Variants in QTMAN observed in about 807,000 individuals in gnomAD.
QTMAN encodes queuosine-tRNA mannosyltransferase.
At chr2:144,225,893 C>A in the QTMAN span, among the ~76,000 whole-genome samples, 1 of 152,278 alleles carries the variant, frequency 6.6e-6, no homozygotes, top group South Asian at 2.1e-4. Flanking sequence ...GATCTCAATT[C>A]CTTGGCAGCA....
At chr2:144,158,627 G>A in the QTMAN span, among the ~76,000 whole-genome samples, 1 of 151,880 alleles carries the variant, frequency 6.6e-6, no homozygotes, top group Non-Finnish European at 1.5e-5. Context: ...AAAAAATTGA[G>A]CCAATGAAAA....
At chr2:144,285,894 T>C in the QTMAN span, among the ~76,000 whole-genome samples, 1 of 152,214 alleles carries the variant, frequency 6.6e-6, no homozygotes, top group East Asian at 1.9e-4. Flanking sequence ...GCCCTTCTAG[T>C]AGCTTGTTAC....
the QTMAN span, among the ~76,000 whole-genome samples, chr2:144,291,881 C>T: frequency 6.6e-6 from 1 of 152,298 alleles, no homozygotes; most frequent in Middle Eastern, 3.4e-3. Flanking sequence ...TACAGTATTA[C>T]TTTCTAATCC....
At chr2:143,938,887 G>C in the QTMAN span, 1 of 152,204 alleles carries the variant, frequency 6.6e-6, no homozygotes, top group Non-Finnish European at 1.5e-5. Flanking sequence ...TTGTGGACTA[G>C]TTGCCAGCCA....
At chr2:144,063,499 G>A in the QTMAN span, among the ~76,000 whole-genome samples, 658 of 152,178 alleles carry the variant, frequency 4.3e-3, 6 homozygotes, top group African/African-American at 0.015. Flanking sequence ...GATTAATAAA[G>A]TTCTTTGGAA....
the QTMAN span, chr2:144,011,912 T>A: frequency 5.9e-6 from 1 of 169,952 alleles, no homozygotes; most frequent in Non-Finnish European, 1.2e-5. Flanking sequence ...GTTTCCCATT[T>A]AATAATTTCC....
the QTMAN span, among the ~76,000 whole-genome samples, chr2:144,249,706 T>G: frequency 2.7e-3 from 407 of 152,340 alleles, 1 homozygote; most frequent in African/African-American, 9.4e-3. Flanking sequence ...CATCAGTTGG[T>G]TTTACATATT....
At chr2:144,050,940 G>A in the QTMAN span, among the ~76,000 whole-genome samples, 54 of 152,040 alleles carry the variant, frequency 3.6e-4, no homozygotes, top group African/African-American at 1.3e-3. Flanking sequence ...CATGAATGCA[G>A]AACACACAAA....
the QTMAN span, among the ~76,000 whole-genome samples, chr2:144,169,045 A>G: frequency 6.6e-6 from 1 of 152,136 alleles, no homozygotes; most frequent in Non-Finnish European, 1.5e-5. Flanking sequence ...AAGAAATGCT[A>G]TAAAAAATAT....
the QTMAN span, among the ~76,000 whole-genome samples, chr2:144,246,579 CA>C: frequency 2.0e-3 from 94 of 47,064 alleles, no homozygotes; most frequent in East Asian, 8.2e-3. Flanking sequence ...GACTCCGTCT[CA>C]AAAAAAAAAA....
the QTMAN span, among the ~76,000 whole-genome samples, chr2:144,328,605 T>C: frequency 1.3e-5 from 2 of 152,150 alleles, no homozygotes; most frequent in South Asian, 2.1e-4. Flanking sequence ...GGTCTTAAAA[T>C]ATCTTCGGTC....
chr2:144,042,799 A>G, the QTMAN span, among the ~76,000 whole-genome samples: 9 of 152,054 alleles, frequency 5.9e-5, no homozygotes, highest in East Asian at 1.5e-3. Context: ...ACAAATAAAT[A>G]AACAATGAAG....
chr2:143,943,416 C>T, the QTMAN span: 1 of 152,076 alleles, frequency 6.6e-6, no homozygotes, highest in South Asian at 2.1e-4. Context: ...GGTCAATAGT[C>T]AATAGAAGAA....
the QTMAN span, chr2:143,938,232 A>C: frequency 2.0e-5 from 3 of 152,144 alleles, no homozygotes; most frequent in Admixed American, 2.0e-4. Flanking sequence ...AAAAGGAGAG[A>C]TGTCTGCTTT....
chr2:144,015,177 A>C, the QTMAN span, among the ~76,000 whole-genome samples: 1 of 152,116 alleles, frequency 6.6e-6, no homozygotes, highest in African/African-American at 2.4e-5. Context: ...TGTTTATCAA[A>C]CCCAGAGCCA....
the QTMAN span, among the ~76,000 whole-genome samples, chr2:144,062,956 G>T: frequency 6.6e-6 from 1 of 152,186 alleles, no homozygotes; most frequent in African/African-American, 2.4e-5. Context: ...GAAAGGCTCA[G>T]AAAGGTCATG....
chr2:144,161,363 T>C, the QTMAN span, among the ~76,000 whole-genome samples: 1 of 152,184 alleles, frequency 6.6e-6, no homozygotes, highest in Admixed American at 6.6e-5. Flanking sequence ...ACTTACATCT[T>C]GTAAGAAACT....
chr2:144,100,886 T>C, the QTMAN span, among the ~76,000 whole-genome samples: 5 of 138,330 alleles, frequency 3.6e-5, no homozygotes, highest in African/African-American at 3.0e-5. Context: ...TTTTTTTTTT[T>C]TGAGATGGAG....
the QTMAN span, among the ~76,000 whole-genome samples, chr2:143,958,781 TC>T: frequency 6.8e-6 from 1 of 147,824 alleles, no homozygotes; most frequent in South Asian, 2.1e-4. Flanking sequence ...TTTCTTTCTT[TC>T]TTTTTTTTTT....
Sources: gnomAD v4.1 joint callset for allele counts (sites outside exome capture counted in the v4.1 genomes callset) on GRCh38, gnomAD v4.1.1 for gene constraint, MANE v1.5 for transcripts, NCBI Gene and HGNC (gene_info 2026-07-23, HGNC 2026-07-21) for gene names.